Variants in ZNF687 observed in about 807,000 individuals in gnomAD.
ZNF687 encodes the protein zinc finger protein 687.
Under a neutral mutation model 71.8 loss-of-function variants are expected in ZNF687, and 13 were observed. That is an observed-to-expected ratio of 0.18 (90% CI 0.12 to 0.29). The LOEUF (loss-of-function observed/expected upper bound fraction) is 0.29, where lower values mean the gene tolerates loss of function less well. Among genes scored for constraint, ZNF687 ranks in the 10% least tolerant of loss-of-function variants. The pLI, the probability that ZNF687 is intolerant of heterozygous loss-of-function variation, is 1.00. For synonymous variants in ZNF687, 673 were observed against 641.6 expected (o/e 1.05, Z -0.74); for missense variants, 1,412 against 1,625.6 (o/e 0.87, Z 2.26).
upstream of ZNF687, chr1:151,281,775 C>A: frequency 2.7e-6 from 1 of 376,860 alleles, no homozygotes; most frequent in South Asian, 1.9e-5. Flanking sequence ...ATCAGTGACA[C>A]GGGTTTAGCT....
intron 1 of ZNF687, chr1:151,283,014 C>T: frequency 3.1e-6 from 2 of 638,864 alleles, no homozygotes; most frequent in Non-Finnish European, 3.9e-6. Context: ...AGCTCCCCAC[C>T]CTATCCTGTG....
chr1:151,283,428 G>A (rs981632208), intron 1 of ZNF687: 2 of 518,854 alleles, frequency 3.9e-6, no homozygotes, highest in African/African-American at 2.1e-5. Flanking sequence ...AGGAGCCCTA[G>A]AGACAGGGCT....
At position 151,291,259 on chromosome 1, in the gene ZNF687, C is replaced by T. The variant is rs769352007; in HGVS notation, c.*50C>T. The T allele has an allele frequency of 6.5e-6, 10 of 1,543,262 alleles. No homozygotes were observed. In the African/African-American group the frequency reaches 1.1e-4, roughly 17 times the overall value. On this transcript the variant is annotated 3_prime_UTR_variant, in exon 9 of 9. Coordinates refer to ENST00000336715, the MANE Select transcript of ZNF687 (RefSeq NM_020832.3). ...CCCCTTCCTCTTGGAGCCTGGTTTT[C>T]CCTACTGCTGCCTGATCCCTCGGCT...
intron 3 of ZNF687, 72 bp downstream of exon 3, chr1:151,288,778 A>G (rs1557772350): frequency 2.7e-6 from 4 of 1,483,448 alleles, no homozygotes; most frequent in Non-Finnish European, 2.7e-6. Flanking sequence ...ATGGCCTTTC[A>G]AGATCCCCTA....
chr1:151,283,308 C>T (rs1443237769), intron 1 of ZNF687: 1 of 985,350 alleles, frequency 1.0e-6, no homozygotes, highest in African/African-American at 1.7e-5. Context: ...AGGCCTTGGG[C>T]CCGGGCAAAG....
chr1:151,282,573 C>T (rs1178114259), intron 1 of ZNF687, among the ~76,000 whole-genome samples, 178 bp downstream of exon 1: 1 of 152,198 alleles, frequency 6.6e-6, no homozygotes, highest in Non-Finnish European at 1.5e-5. Flanking sequence ...GGCGAAACTC[C>T]TGGCCTGTTG....
At chr1:151,283,103 C>A (rs929494200) in intron 1 of ZNF687, 1 of 985,358 alleles carries the variant, frequency 1.0e-6, no homozygotes, top group South Asian at 4.7e-5. Flanking sequence ...GCTTCGCACG[C>A]CGGTGCGAGT....
At chr1:151,288,906 T>G (rs1694072076) in intron 3 of ZNF687, among the ~76,000 whole-genome samples, 189 bp from the exon 4 acceptor site, 1 of 152,224 alleles carries the variant, frequency 6.6e-6, no homozygotes, top group Non-Finnish European at 1.5e-5. Flanking sequence ...CCTCTGGAGC[T>G]CCAGCTCTCC....
At position 151,290,027 on chromosome 1, in the gene ZNF687, A is replaced by G. The variant is rs752013808; in HGVS notation, c.2964+20A>G. ...GGCAAGGTGAGTGGGCCCCAAGGGG[A>G]GTACCATGGGCTGGGGGCAGCATTG... On this transcript the variant is annotated intron_variant, in intron 6 of 8. Transcript: ENST00000336715. 6.3e-6 allele frequency: 10 copies of G among 1,596,460 alleles called. No homozygotes were observed. The highest frequency in any genetic ancestry group is 3.4e-5 in the Admixed American group (2 of 58,958).
At position 151,289,233 on chromosome 1, in the gene ZNF687, C is replaced by T; in HGVS notation, c.2433C>T (p.Leu811=). 3 of 1,614,120 alleles carry T rather than the reference C, an allele frequency of 1.9e-6. No homozygotes were observed. Among genetic ancestry groups the T allele is most frequent in the African/African-American group, 2.7e-5 (2 of 75,078 alleles). Residue 811 remains leucine, a synonymous_variant, in exon 4 of 9, where the codon CTC becomes CTT. Coordinates refer to ENST00000336715, the MANE Select transcript of ZNF687 (RefSeq NM_020832.3). ...FKSGPSAHAH[L]YSQHPSFQTQ... ...CTGGGCCAAGTGCCCATGCCCACCT[C>T]TACTCCCAGCATCCCAGCTTCCAAA...
chr1:151,281,686 G>C (rs765453699), upstream of ZNF687: 1 of 450,280 alleles, frequency 2.2e-6, no homozygotes, highest in African/African-American at 2.0e-5. Context: ...CGATTTAGAC[G>C]GTGGGAAGAC....
chr1:151,281,832 A>C, upstream of ZNF687: 1 of 371,984 alleles, frequency 2.7e-6, no homozygotes, highest in Non-Finnish European at 5.5e-6. Flanking sequence ...ACTCCGACTC[A>C]ATGCGGTTCT....
Position 151,286,838 on chromosome 1 carries a change from T to G in ZNF687, c.547T>G (p.Ser183Ala), listed in dbSNP as rs1319292930. The G allele has an allele frequency of 6.2e-7, 1 of 1,613,924 alleles. No homozygotes were observed. ...HSDPLPPSAP[S>A]PTREGALTPP... The stretch of plus-strand genomic sequence containing the variant: ...AGATCCGCTGCCTCCCTCTGCACCC[T>G]CTCCCACTCGGGAGGGGGCTCTGAC... Residue 183 changes from serine (S) to alanine (A), a missense_variant, in exon 2 of 9, where the codon TCT (serine) becomes GCT (alanine). Around this residue, in one of 8 missense-constraint regions of ZNF687, gnomAD observed 490 missense variants for 489.9 expected, o/e 1.00. Transcript: ENST00000336715.
chr1:151,291,158 G>C lies in ZNF687; in HGVS notation c.3663G>C (p.Thr1221=). The change falls in exon 9 of 9, where the codon ACG becomes ACC. Residue 1221 remains threonine (T), a synonymous_variant. Coordinates refer to ENST00000336715, the MANE Select transcript of ZNF687 (RefSeq NM_020832.3). The part of the protein sequence containing the change: ...SPLNLKTHFR[T]HGMAFIRARQ... ...TAAACCTCAAGACCCACTTCCGCACGCATGGCATGGCGTTCATCAGGGCTC... is the reference window on the plus strand; with the variant it reads ...TAAACCTCAAGACCCACTTCCGCACCCATGGCATGGCGTTCATCAGGGCTC... 6.2e-7 allele frequency: 1 copy of C among 1,612,958 alleles called. No individual in the cohort carries two copies.
In ZNF687 at chr1:151,288,340, G is replaced by A. The variant is rs1337084900; in HGVS notation, c.2049G>A (p.Arg683=). 1 of 1,611,134 alleles carries A rather than the reference G, an allele frequency of 6.2e-7. No individual in the cohort carries two copies. Among genetic ancestry groups the A allele is most frequent in the Non-Finnish European group, 8.5e-7 (1 of 1,179,928 alleles). Residue 683 remains arginine (R), a synonymous_variant, in exon 2 of 9, where the codon CGG becomes CGA. Transcript: ENST00000336715. ...GCCTGGAGTGCAAGGAACAGTGCCG[G>A]GACAAGGCTGGCATGGCAGCTCACT... ...FRCLECKEQC[R]DKAGMAAHFQ... is the part of the protein sequence containing the mutation.
Position 151,289,803 on chromosome 1 carries a change from G to C in ZNF687, c.2760G>C (p.Glu920Asp). ...AGGGAGGGGCAGCCCCTGCTACTGA[G>C]GAGTCGTCTTCATCTTCAGAAGAGG... Reference protein sequence around the residue: ...VSQGGAAPATEESSSSSEEEE... With the variant: ...VSQGGAAPATDESSSSSEEEE... The change falls in exon 6 of 9, where the codon GAG becomes GAC. Residue 920 changes from glutamate (E) to aspartate (D), a missense_variant. This residue lies in a region of ZNF687 where 135 missense variants were observed against 104.1 expected (regional missense o/e 1.30). Coordinates refer to ENST00000336715, the MANE Select transcript of ZNF687 (RefSeq NM_020832.3). The C allele has an allele frequency of 1.3e-6, 2 of 1,566,276 alleles. No homozygotes were observed. The highest frequency in any genetic ancestry group is 1.7e-6 in the Non-Finnish European group (2 of 1,154,916).
At chr1:151,282,986 C>G in intron 1 of ZNF687, 1 of 399,328 alleles carries the variant, frequency 2.5e-6, no homozygotes, top group Non-Finnish European at 3.4e-6. Context: ...ACCGTCCCCT[C>G]TCTCCTCCCC....
chr1:151,288,835 C>T, intron 3 of ZNF687, 129 bp downstream of exon 3: 1 of 1,214,106 alleles, frequency 8.2e-7, no homozygotes, highest in Non-Finnish European at 1.1e-6. Flanking sequence ...CAGACTCAAC[C>T]CTGAGATAGT....
chr1:151,284,011 C>T, intron 1 of ZNF687: 1 of 985,416 alleles, frequency 1.0e-6, no homozygotes, highest in Non-Finnish European at 1.2e-6. Flanking sequence ...CCTGGGTCTC[C>T]CACAAACTCT....
Sources: allele counts gnomAD v4.1 joint callset (sites outside exome capture counted in the v4.1 genomes callset), GRCh38; gene constraint gnomAD v4.1.1; regional missense constraint gnomAD v4.1.1; transcripts MANE v1.5; gene names NCBI Gene and HGNC (gene_info 2026-07-23, HGNC 2026-07-21).